The following DLG2 variants were observed in gnomAD, a reference collection of about 807,000 sequenced individuals.
DLG2 encodes the protein discs large MAGUK scaffold protein 2.
A neutral mutation model predicts 132.5 loss-of-function variants in DLG2; 45 were observed. The ratio of observed to expected loss-of-function variants is 0.34; its 90% CI spans 0.27 to 0.44. DLG2 has a LOEUF of 0.44. DLG2 is among the 20% of genes least tolerant of loss of function. The probability of loss-of-function intolerance (pLI) is 1.00; values close to 1 mark genes in which losing one functional copy is unlikely to be tolerated. For synonymous variants in DLG2, 424 were observed against 419.6 expected, an observed-to-expected ratio of 1.01 and a Z score of -0.13; for missense variants, 1,045 against 1,196.9, an observed-to-expected ratio of 0.87 and a Z score of 1.87.
chr11:85,449,353 T>C (rs2092141981), intron 3 of DLG2, among the ~76,000 whole-genome samples: 1 of 152,070 alleles, frequency 6.6e-6, no homozygotes. Context: ...TTTATGTTTT[T>C]CACCTCTTTG....
At chr11:84,758,708 A>G (rs1446347306) in intron 6 of DLG2, among the ~76,000 whole-genome samples, 3 of 152,190 alleles carry the variant, frequency 2.0e-5, no homozygotes, top group Non-Finnish European at 2.9e-5. Flanking sequence ...TCAAATTAAT[A>G]TTACATAAAT....
intron 11 of DLG2, among the ~76,000 whole-genome samples, chr11:84,002,130 G>A (rs1206661590): frequency 3.3e-5 from 5 of 152,070 alleles, no homozygotes; most frequent in Admixed American, 1.3e-4. Context: ...TGACATATTG[G>A]TTCTTCAGAA....
rs550503465 is a variant in DLG2, at chr11:84,268,161, T to C, written c.520-16870A>G. Reference sequence around the variant, plus strand: ...TTTTAACCTCTCACCTCCCTCATCTTGTAAACCCCTGTTTTAAAACTGTCT... The same window carrying C: ...TTTTAACCTCTCACCTCCCTCATCTCGTAAACCCCTGTTTTAAAACTGTCT... On this transcript the variant is annotated intron_variant, in intron 7 of 27. Transcript: ENST00000376104. 3.9e-5 allele frequency among the ~76,000 whole-genome samples: 6 copies of C among 152,300 alleles called. No individual in the cohort carries two copies. In the South Asian group the frequency reaches 1.2e-3, roughly 32 times the overall value.
At chr11:85,307,717 GAC>G (rs1474359581) in intron 3 of DLG2, among the ~76,000 whole-genome samples, 6 of 152,282 alleles carry the variant, frequency 3.9e-5, no homozygotes, top group African/African-American at 1.4e-4. Flanking sequence ...ATTCTTTACT[GAC>G]ACTGATTTAG....
chr11:84,625,834 T>A (rs945547781), intron 6 of DLG2, among the ~76,000 whole-genome samples: 1 of 152,184 alleles, frequency 6.6e-6, no homozygotes, highest in Non-Finnish European at 1.5e-5. Flanking sequence ...TTGGAAACAC[T>A]AGTCATTTAG....
intron 3 of DLG2, among the ~76,000 whole-genome samples, chr11:85,526,953 A>T (rs1217713886): frequency 1.3e-5 from 2 of 152,162 alleles, no homozygotes; most frequent in Non-Finnish European, 2.9e-5. Flanking sequence ...TTTTCAATGA[A>T]AAAATTTAAG....
At chr11:83,850,154 G>T (rs1386489521) in intron 16 of DLG2, among the ~76,000 whole-genome samples, 14 of 131,352 alleles carry the variant, frequency 1.1e-4, no homozygotes, top group African/African-American at 5.0e-4. Flanking sequence ...GTGTGTGTGT[G>T]TGTGTGTTTT....
intron 11 of DLG2, among the ~76,000 whole-genome samples, chr11:84,051,385 C>A (rs2096375961): frequency 1.3e-5 from 2 of 151,804 alleles, no homozygotes; most frequent in African/African-American, 4.8e-5. Context: ...AAATGTCCAA[C>A]AATGATAGAC....
intron 7 of DLG2, among the ~76,000 whole-genome samples, chr11:84,423,434 C>T (rs758591555): frequency 1.3e-5 from 2 of 152,100 alleles, no homozygotes; most frequent in Non-Finnish European, 2.9e-5. Context: ...AAAATCCCAA[C>T]CAACCTACTT....
intron 7 of DLG2, among the ~76,000 whole-genome samples, chr11:84,451,400 T>C (rs1286607517): frequency 2.0e-5 from 3 of 151,864 alleles, no homozygotes; most frequent in African/African-American, 7.2e-5. Context: ...GGAGAAGTGT[T>C]GTCAATTATT....
At chr11:84,216,961 C>T (rs1158299246) in intron 8 of DLG2, among the ~76,000 whole-genome samples, 2 of 152,040 alleles carry the variant, frequency 1.3e-5, no homozygotes, top group Non-Finnish European at 2.9e-5. Context: ...GTGGCAAGCT[C>T]ACATTTAGCT....
chr11:84,766,531 C>G (rs1379738190), intron 6 of DLG2, among the ~76,000 whole-genome samples: 2 of 152,058 alleles, frequency 1.3e-5, no homozygotes, highest in Non-Finnish European at 2.9e-5. Flanking sequence ...AGTTCAGCAA[C>G]TGGCATAATG....
intron 9 of DLG2, among the ~76,000 whole-genome samples, chr11:84,135,519 G>A (rs1480839320): frequency 6.6e-6 from 1 of 152,098 alleles, no homozygotes; most frequent in Non-Finnish European, 1.5e-5. Flanking sequence ...TGTCAGGGAA[G>A]GATCCTAGAA....
intron 6 of DLG2, among the ~76,000 whole-genome samples, chr11:84,733,877 C>G (rs1244688961): frequency 6.6e-6 from 1 of 152,122 alleles, no homozygotes; most frequent in Non-Finnish European, 1.5e-5. Flanking sequence ...TGTCCCAGCA[C>G]CATTTGTTGA....
At chr11:84,385,097 T>A (rs1428791869) in intron 7 of DLG2, among the ~76,000 whole-genome samples, 1 of 152,076 alleles carries the variant, frequency 6.6e-6, no homozygotes, top group African/African-American at 2.4e-5. Flanking sequence ...TTATCACAGC[T>A]CAACCTGATC....
At chr11:85,094,152 G>T (rs1189109754) in intron 6 of DLG2, among the ~76,000 whole-genome samples, 1 of 152,206 alleles carries the variant, frequency 6.6e-6, no homozygotes, top group East Asian at 1.9e-4. Context: ...TCAGGATTAT[G>T]ATTGGCACTA....
intron 7 of DLG2, among the ~76,000 whole-genome samples, chr11:84,277,573 T>C (rs1248628241): frequency 2.0e-5 from 3 of 152,062 alleles, no homozygotes; most frequent in South Asian, 4.2e-4. Context: ...CTTAAAGCAG[T>C]AATTAAGGAA....
chr11:83,909,591 T>C (rs1428920968), intron 15 of DLG2, among the ~76,000 whole-genome samples: 2 of 152,192 alleles, frequency 1.3e-5, no homozygotes, highest in African/African-American at 4.8e-5. Context: ...CTACGGATTG[T>C]TATAAAATAA....
At chr11:83,858,494 G>C (rs1444562786) in intron 16 of DLG2, among the ~76,000 whole-genome samples, 1 of 152,182 alleles carries the variant, frequency 6.6e-6, no homozygotes, top group Non-Finnish European at 1.5e-5. Context: ...CAGAAAATTA[G>C]GAGGCCTGAC....
Sources: allele counts gnomAD v4.1 joint callset (sites outside exome capture counted in the v4.1 genomes callset), GRCh38; gene constraint gnomAD v4.1.1; transcripts MANE v1.5; gene names NCBI Gene and HGNC (gene_info 2026-07-23, HGNC 2026-07-21).